TACR3: variants seen among roughly 807,000 people sequenced by gnomAD.
TACR3 encodes neuromedin-K receptor.
A neutral mutation model predicts 35.0 loss-of-function variants in TACR3; 34 were observed. The observed-to-expected ratio is 0.97, with a 90% confidence interval of 0.74 to 1.30. The LOEUF (loss-of-function observed/expected upper bound fraction) is 1.30. TACR3 is among the 50% of genes most tolerant of loss of function. TACR3 has a pLI of 0.00. For missense variants in TACR3, 558 were observed against 591.7 expected (o/e 0.94, Z 0.59); for synonymous variants, 233 against 221.1 (o/e 1.05, Z -0.48).
chr4:103,599,084 G>T (rs1167839515), intron 3 of TACR3, among the ~76,000 whole-genome samples: 1 of 152,188 alleles, frequency 6.6e-6, no homozygotes, highest in Non-Finnish European at 1.5e-5. Flanking sequence ...TCCTACCCAT[G>T]AACATGGAAT....
rs59034473 is a variant in TACR3 at position 103,704,105 on chromosome 4, C to CA, written c.548+15022dup. Among the ~76,000 whole-genome samples the CA allele has an allele frequency of 1.4e-3, 92 of 64,626 alleles. 4 individuals are homozygous for CA. Among genetic ancestry groups the CA allele is most frequent in the South Asian group, 1.9e-3 (2 of 1,072 alleles). The allele number at this position is 64,626 out of a possible 152,430, so 42.4% of individuals were successfully genotyped here. A position where few individuals can be genotyped will look rare whatever the true frequency, so the allele number is the denominator to read the frequency against. The stretch of plus-strand genomic sequence containing the variant: ...GGCAACAGAGTGAAACTCTATCTCA[C>CA]AAAAAAAAAAAAAAAAAAAAAAAAA... On this transcript the variant is annotated intron_variant, in intron 1 of 4. Coordinates refer to ENST00000304883, the MANE Select transcript of TACR3 (RefSeq NM_001059.3).
At chr4:103,672,629 G>T (rs1560525819) in intron 1 of TACR3, among the ~76,000 whole-genome samples, 1 of 152,092 alleles carries the variant, frequency 6.6e-6, no homozygotes, top group Non-Finnish European at 1.5e-5. Flanking sequence ...ATTTTATAGG[G>T]CACTGGCAGA....
chr4:103,697,136 A>G (rs149738578), intron 1 of TACR3, among the ~76,000 whole-genome samples: 34 of 152,280 alleles, frequency 2.2e-4, no homozygotes, highest in Admixed American at 5.2e-4. Context: ...CACTTGGGCA[A>G]TACAACTATG....
At chr4:103,703,919 T>G (rs1722722488) in intron 1 of TACR3, among the ~76,000 whole-genome samples, 1 of 151,372 alleles carries the variant, frequency 6.6e-6, no homozygotes, top group African/African-American at 2.4e-5. Flanking sequence ...GCTAACACAG[T>G]GAAACCCCAT....
At chr4:103,710,145 C>T (rs1257941491) in intron 1 of TACR3, among the ~76,000 whole-genome samples, 2 of 152,184 alleles carry the variant, frequency 1.3e-5, no homozygotes, top group Non-Finnish European at 2.9e-5. Flanking sequence ...CTCAGCTCTG[C>T]ACCAAGTGGA....
intron 3 of TACR3, among the ~76,000 whole-genome samples, chr4:103,635,774 A>C (rs1725173977): frequency 8.7e-6 from 1 of 115,038 alleles, no homozygotes; most frequent in Non-Finnish European, 1.7e-5. Context: ...GAGAATTTAG[A>C]GGTAGCTCTT....
intron 1 of TACR3, among the ~76,000 whole-genome samples, chr4:103,690,920 G>A (rs767731821): frequency 1.3e-4 from 20 of 152,130 alleles, no homozygotes; most frequent in South Asian, 2.1e-4. Context: ...TATGTCACAC[G>A]CAATAGGTAG....
chr4:103,600,407 C>G (rs1186515870), intron 3 of TACR3, among the ~76,000 whole-genome samples: 3 of 152,168 alleles, frequency 2.0e-5, no homozygotes, highest in Admixed American at 2.0e-4. Context: ...CTTCAAAAAA[C>G]CAGCTCCTGG....
chr4:103,717,993 A>G (rs1387620680), intron 1 of TACR3, among the ~76,000 whole-genome samples: 3 of 152,134 alleles, frequency 2.0e-5, no homozygotes, highest in African/African-American at 7.2e-5. Flanking sequence ...CTTTAATTTA[A>G]TCCTTTGAGC....
At chr4:103,705,080 TTAAATA>T (rs1464999727) in intron 1 of TACR3, among the ~76,000 whole-genome samples, 4 of 152,158 alleles carry the variant, frequency 2.6e-5, no homozygotes, top group African/African-American at 4.8e-5. Flanking sequence ...AAAACTATCT[TTAAATA>T]TGAGTTTTTA....
At position 103,710,918 on chromosome 4, in the gene TACR3, T is replaced by C. The variant is rs143158716; in HGVS notation, c.548+8210A>G. ...AGAAATGGATAAATTCCTGGACACA[T>C]ACACCCTCCCAAGACTAAACCAGGA... On this transcript the variant is annotated intron_variant, in intron 1 of 4. Transcript: ENST00000304883. Among the ~76,000 whole-genome samples, 1,305 of 152,232 alleles carry C rather than the reference T, an allele frequency of 8.6e-3. 8 individuals are homozygous for C. Among genetic ancestry groups the C allele is most frequent in the Non-Finnish European group, 0.012 (843 of 68,010 alleles).
chr4:103,590,665 A>T (rs1301275364), intron 4 of TACR3, among the ~76,000 whole-genome samples: 3 of 152,152 alleles, frequency 2.0e-5, no homozygotes, highest in Admixed American at 6.6e-5. Context: ...AACTGAGAAG[A>T]GAGCTTAGGA....
intron 1 of TACR3, among the ~76,000 whole-genome samples, chr4:103,691,959 G>A (rs1371593380): frequency 6.6e-6 from 1 of 152,072 alleles, no homozygotes; most frequent in Non-Finnish European, 1.5e-5. Flanking sequence ...TCTGTTTGGG[G>A]CTCTCAGCTC....
intron 1 of TACR3, among the ~76,000 whole-genome samples, chr4:103,669,561 T>G (rs61230422): frequency 0.035 from 5,318 of 152,212 alleles, 303 homozygotes; most frequent in African/African-American, 0.12. Context: ...TGATATCTCA[T>G]TGTGGCTTTA....
intron 3 of TACR3, among the ~76,000 whole-genome samples, chr4:103,614,882 G>GTTTTTTTTTTTTTTTTTTT (rs1325226834): frequency 1.1e-5 from 1 of 90,874 alleles, no homozygotes; most frequent in African/African-American, 4.3e-5. Context: ...GATTATGAAT[G>GTTTTTTTTTTTTTTTTTTT]TGTTTTTTTT....
chr4:103,699,687 T>C (rs750500564), intron 1 of TACR3, among the ~76,000 whole-genome samples: 6 of 152,132 alleles, frequency 3.9e-5, no homozygotes, highest in Non-Finnish European at 8.8e-5. Flanking sequence ...AATTTGAAAG[T>C]AGACATGACT....
At position 103,633,886 on chromosome 4, in the gene TACR3, T is replaced by TA. The variant is rs1264158009; in HGVS notation, c.888+22307dup. Among the ~76,000 whole-genome samples, 11 of 151,776 alleles carry TA rather than the reference T, an allele frequency of 7.2e-5. No homozygotes were observed. The South Asian group carries it at 1.9e-3, about 26-fold the overall frequency. ...TCCTAACTTTAGTTAGTTCTTTTTT[T>TA]AAAAAAAGCAAGTCTTTCAAAATAG... On this transcript the variant is annotated intron_variant, in intron 3 of 4. Transcript: ENST00000304883.
At chr4:103,679,847 A>G (rs555612833) in intron 1 of TACR3, among the ~76,000 whole-genome samples, 1 of 152,030 alleles carries the variant, frequency 6.6e-6, no homozygotes, top group Non-Finnish European at 1.5e-5. Context: ...ATTATCTCTA[A>G]CAAAAGGTAC....
chr4:103,666,702 T>C lies in TACR3; in HGVS notation c.549-8299A>G, dbSNP rs192861501. ...CCTACTCAAAATTTCAGATAACAGA[T>C]TTAGAAGTAGTAATCTATAGTGGCA... On this transcript the variant is annotated intron_variant, in intron 1 of 4. Transcript: ENST00000304883. Among the ~76,000 whole-genome samples, 308 of 152,276 alleles carry C rather than the reference T, an allele frequency of 2.0e-3. 3 individuals carry two copies. The highest frequency in any genetic ancestry group is 8.0e-3 in the Admixed American group (123 of 15,284).
Sources: allele counts gnomAD v4.1 joint callset (sites outside exome capture counted in the v4.1 genomes callset), GRCh38; gene constraint gnomAD v4.1.1; transcripts MANE v1.5; gene names NCBI Gene and HGNC (gene_info 2026-07-23, HGNC 2026-07-21).